SLC22A25: variants seen among roughly 807,000 people sequenced by gnomAD.
The protein encoded by SLC22A25 is MGI:2442751, MGI:2385316, MGI:3042283, MGI:3645714, MGI:3605624, MGI:2442750.
Under a neutral mutation model 45.9 loss-of-function variants are expected in SLC22A25, and 44 were observed. That is an observed-to-expected ratio of 0.96 (90% CI 0.75 to 1.23). The LOEUF is 1.23. SLC22A25 is among the 50% of genes most tolerant of loss of function. The pLI is 0.00. For missense variants in SLC22A25, 800 were observed against 666.4 expected, an observed-to-expected ratio of 1.20 and a Z score of -2.21; for synonymous variants, 283 against 238.6, an observed-to-expected ratio of 1.19 and a Z score of -1.72.
intron 1 of SLC22A25, among the ~76,000 whole-genome samples, chr11:63,240,197 A>T (rs937578967): frequency 2.0e-5 from 3 of 152,202 alleles, no homozygotes; most frequent in African/African-American, 7.2e-5. Flanking sequence ...AAAATAAAAG[A>T]TAAAAGATAA....
intron 7 of SLC22A25, among the ~76,000 whole-genome samples, chr11:63,213,222 A>G (rs1339471921): frequency 6.6e-6 from 1 of 152,178 alleles, no homozygotes; most frequent in African/African-American, 2.4e-5. Flanking sequence ...TGAGGCTATC[A>G]AAGGAAAGGA....
At chr11:63,232,515 A>C (rs2090088571) in intron 3 of SLC22A25, among the ~76,000 whole-genome samples, 6 of 152,194 alleles carry the variant, frequency 3.9e-5, no homozygotes. Flanking sequence ...ATTGGTTATC[A>C]GCTTAAGGAG....
intron 7 of SLC22A25, among the ~76,000 whole-genome samples, chr11:63,191,576 C>T (rs2088817644): frequency 6.6e-6 from 1 of 152,100 alleles, no homozygotes; most frequent in Admixed American, 6.6e-5. Flanking sequence ...CTGACACTCC[C>T]CATTGAGATG....
chr11:63,193,540 G>T (rs907176999), intron 7 of SLC22A25, among the ~76,000 whole-genome samples: 2 of 152,230 alleles, frequency 1.3e-5, no homozygotes, highest in Admixed American at 1.3e-4. Flanking sequence ...TGGACCTCCA[G>T]CAAACTCCAA....
At chr11:63,179,672 T>A (rs1194101676) in intron 9 of SLC22A25, among the ~76,000 whole-genome samples, 1 of 152,134 alleles carries the variant, frequency 6.6e-6, no homozygotes, top group Non-Finnish European at 1.5e-5. Context: ...GGCATAATGG[T>A]TGGGCTAGAA....
At chr11:63,214,328 G>A (rs959978887) in intron 7 of SLC22A25, among the ~76,000 whole-genome samples, 2 of 152,194 alleles carry the variant, frequency 1.3e-5, no homozygotes, top group African/African-American at 2.4e-5. Flanking sequence ...GCGCAGCTCC[G>A]TGAAGAGGTG....
intron 9 of SLC22A25, among the ~76,000 whole-genome samples, chr11:63,175,778 G>A (rs937464096): frequency 1.3e-5 from 2 of 151,694 alleles, no homozygotes; most frequent in Non-Finnish European, 2.9e-5. Flanking sequence ...TTTTGTGTGT[G>A]CTATAAGGAA....
intron 1 of SLC22A25, among the ~76,000 whole-genome samples, chr11:63,240,972 T>TA (rs994888561): frequency 2.0e-5 from 3 of 151,804 alleles, no homozygotes; most frequent in African/African-American, 2.4e-5. Context: ...AATGAGACCA[T>TA]AAAAAAAAAT....
chr11:63,217,777 C>T (rs777004263), intron 5 of SLC22A25, 42 bp from the exon 6 acceptor site: 2 of 1,558,930 alleles, frequency 1.3e-6, no homozygotes, highest in Admixed American at 2.1e-5. Flanking sequence ...ACAATAACAA[C>T]CTTTGGGAAA....
At position 63,229,686 on chromosome 11, in the gene SLC22A25, A is replaced by T; in HGVS notation, c.-34T>A. 1.3e-6 allele frequency: 2 copies of T among 1,577,912 alleles called. No individual in the cohort carries two copies. Among genetic ancestry groups the T allele is most frequent in the Non-Finnish European group, 1.7e-6 (2 of 1,155,246 alleles). ...GACAAGTGATCCCCAAGAGGAGACA[A>T]AATGACTGTATCCAGATAAGTTCAA... On this transcript the variant is annotated 5_prime_UTR_variant, in exon 4 of 12. It adds an upstream start codon to the 5' untranslated region. Coordinates refer to ENST00000306494, the MANE Select transcript of SLC22A25 (RefSeq NM_199352.6).
At chr11:63,225,421 T>C (rs2089941590) in intron 5 of SLC22A25, among the ~76,000 whole-genome samples, 1 of 152,214 alleles carries the variant, frequency 6.6e-6, no homozygotes, top group South Asian at 2.1e-4. Context: ...GTAAAAGTTT[T>C]TTTTCTTCTT....
intron 7 of SLC22A25, among the ~76,000 whole-genome samples, chr11:63,200,988 C>T (rs1428351913): frequency 6.6e-6 from 1 of 152,118 alleles, no homozygotes; most frequent in Non-Finnish European, 1.5e-5. Flanking sequence ...CTACAAACCA[C>T]TGCTCAAAGA....
At chr11:63,205,408 AG>A (rs2089371749) in intron 7 of SLC22A25, among the ~76,000 whole-genome samples, 1 of 152,150 alleles carries the variant, frequency 6.6e-6, no homozygotes, top group African/African-American at 2.4e-5. Flanking sequence ...GACCGCTAGC[AG>A]GACTAATACA....
chr11:63,217,768 C>A (rs748235125), intron 5 of SLC22A25, 33 bp from the exon 6 acceptor site: 4 of 1,568,108 alleles, frequency 2.6e-6, no homozygotes, highest in Non-Finnish European at 3.4e-6. Context: ...ATAATGGGAA[C>A]AATAACAACC....
At chr11:63,235,737 G>A (rs529153905) in intron 3 of SLC22A25, among the ~76,000 whole-genome samples, 9 of 152,190 alleles carry the variant, frequency 5.9e-5, no homozygotes, top group East Asian at 3.9e-4. Context: ...TAGAGTTTCC[G>A]GTTTTTCTGC....
rs1590932323 is a variant in SLC22A25, at chr11:63,243,563, A to G, written c.-1125T>C. 3.9e-6 allele frequency: 3 copies of G among 763,428 alleles called. No individual in the cohort carries two copies. The East Asian group carries it at 7.4e-5, about 19-fold the overall frequency. The allele number at this position is 763,428 out of a possible 1,614,324, so 47.3% of individuals were successfully genotyped here. A position where few individuals can be genotyped will look rare whatever the true frequency, so the allele number is the denominator to read the frequency against. On this transcript the variant is annotated 5_prime_UTR_variant, in exon 1 of 12. Coordinates refer to ENST00000306494, the MANE Select transcript of SLC22A25 (RefSeq NM_199352.6). Reference sequence around the variant, plus strand: ...GACTGCCAAAAAGCTGTGCATTTATACCGACAACTCCATCAAGCCTCAGGA... The same window carrying G: ...GACTGCCAAAAAGCTGTGCATTTATGCCGACAACTCCATCAAGCCTCAGGA...
At chr11:63,196,839 T>C (rs113917997) in intron 7 of SLC22A25, among the ~76,000 whole-genome samples, 143 of 152,302 alleles carry the variant, frequency 9.4e-4, no homozygotes, top group African/African-American at 3.2e-3. Context: ...GATGACATGA[T>C]TGTATATTTA....
chr11:63,169,379 G>A (rs1049502767), intron 9 of SLC22A25, among the ~76,000 whole-genome samples: 22 of 151,998 alleles, frequency 1.4e-4, no homozygotes, highest in African/African-American at 5.3e-4. Flanking sequence ...CTGGCAAATT[G>A]CATAGAGTCA....
At chr11:63,209,993 G>GA (rs1185581483) in intron 7 of SLC22A25, among the ~76,000 whole-genome samples, 1 of 152,096 alleles carries the variant, frequency 6.6e-6, no homozygotes, top group Non-Finnish European at 1.5e-5. Flanking sequence ...TCCCAAATGG[G>GA]AAAAAAGCAG....
Sources: allele counts gnomAD v4.1 joint callset (sites outside exome capture counted in the v4.1 genomes callset), GRCh38; gene constraint gnomAD v4.1.1; transcripts MANE v1.5; gene names NCBI Gene and HGNC (gene_info 2026-07-23, HGNC 2026-07-21).